ZBTB47: variants seen among roughly 807,000 people sequenced by gnomAD.
The protein encoded by ZBTB47 is zinc finger and BTB domain containing 47, also known as zinc finger and BTB domain-containing protein 47.
Under a neutral mutation model 56.6 loss-of-function variants are expected in ZBTB47, and 24 were observed. The observed-to-expected ratio is 0.42, with a 90% CI of 0.31 to 0.60. The LOEUF is 0.60. Among genes scored for constraint, ZBTB47 ranks in the 20% least tolerant of loss-of-function variants. The pLI, the probability that ZBTB47 is intolerant of heterozygous loss-of-function variation, is 0.14. For missense variants in ZBTB47, 829 were observed against 1,032.6 expected (o/e 0.80, Z 2.70); for synonymous variants, 414 against 418.9 (o/e 0.99, Z 0.14).
chr3:42,655,589 G>A (rs1412440708), intron 1 of ZBTB47, among the ~76,000 whole-genome samples: 1 of 152,224 alleles, frequency 6.6e-6, no homozygotes, highest in African/African-American at 2.4e-5. Context: ...AGGCTGGAGT[G>A]ACCTGGACTG....
rs1413331953 is a variant in ZBTB47 at position 42,666,190 on chromosome 3, G to T, written c.*1592G>T. 2.0e-5 allele frequency among the ~76,000 whole-genome samples: 3 copies of T among 152,252 alleles called. No homozygotes were observed. The highest frequency in any genetic ancestry group is 2.9e-5 in the Non-Finnish European group (2 of 68,052). On this transcript the variant is annotated 3_prime_UTR_variant, in exon 6 of 6. Transcript: ENST00000232974. ...GGCCCAAGGTGCCCGAGTGATCTGAGGATTTATAATCCAAGCCACACCACC... is the reference window on the plus strand; with the variant it reads ...GGCCCAAGGTGCCCGAGTGATCTGATGATTTATAATCCAAGCCACACCACC...
Position 42,664,479 on chromosome 3 carries a change from G to A in ZBTB47, c.2125G>A (p.Ala709Thr), listed in dbSNP as rs1187106891. The change falls in exon 6 of 6, where the codon GCA becomes ACA. Residue 709 changes from alanine (A) to threonine (T), a missense_variant. By Grantham distance (58) the Ala-to-Thr change is moderately conservative (BLOSUM62 0). Around this residue, in one of 6 missense-constraint regions of ZBTB47, gnomAD observed 115 missense variants for 117.2 expected, o/e 0.98. Coordinates refer to ENST00000232974, the MANE Select transcript of ZBTB47 (RefSeq NM_145166.4). ...GLPPTQPQAH[A>T]LPLLPGLPQT... ...GCCCCCAACCCAGCCCCAGGCGCAC[G>A]CACTGCCCCTGCTCCCGGGGCTGCC... is the stretch of plus-strand genomic sequence containing the variant. 4.0e-6 allele frequency: 6 copies of A among 1,506,622 alleles called. No individual in the cohort carries two copies. Among genetic ancestry groups the A allele is most frequent in the Non-Finnish European group, 4.4e-6 (5 of 1,131,944 alleles). The allele number at this position is 1,506,622 out of a possible 1,614,324, so 93.3% of individuals were successfully genotyped here.
At position 42,665,822 on chromosome 3, in the gene ZBTB47, C is replaced by G. The variant is rs369125479; in HGVS notation, c.*1224C>G. ...GACCCAATTGCTTGCCCCCATGAGG[C>G]TAGCACTAATAGGAAACCCTTTTTT... On this transcript the variant is annotated 3_prime_UTR_variant, in exon 6 of 6. Transcript: ENST00000232974. 4 of 152,808 alleles carry G rather than the reference C, an allele frequency of 2.6e-5. No homozygotes were observed. In the East Asian group the frequency reaches 7.7e-4, roughly 29 times the overall value. The allele number at this position is 152,808 out of a possible 1,614,324, so 9.5% of individuals were successfully genotyped here.
At position 42,666,089 on chromosome 3, in the gene ZBTB47, A is replaced by G. The variant is rs1710785450; in HGVS notation, c.*1491A>G. Among the ~76,000 whole-genome samples the G allele has an allele frequency of 6.6e-6, 1 of 152,208 alleles. No homozygotes were observed. The highest frequency in any genetic ancestry group is 1.5e-5 in the Non-Finnish European group (1 of 68,034). On this transcript the variant is annotated 3_prime_UTR_variant, in exon 6 of 6. Transcript: ENST00000232974. ...GAACCCCTCTGACCTTATGAGGCCC[A>G]TGGCACTGGGGCAGGGAGCTGGGGA...
In ZBTB47 at chr3:42,663,766, C is replaced by T; in HGVS notation, c.1738-31C>T. ...ACAAAGGCTGCTCTTCTGCTCTGTG[C>T]CTGGGCCTCACCCCCAAACCCCACC... On this transcript the variant is annotated intron_variant, in intron 4 of 5. Coordinates refer to ENST00000232974, the MANE Select transcript of ZBTB47 (RefSeq NM_145166.4). This position sits in a 1 kb window ranked among gnomAD's most constrained non-coding sequence, Gnocchi z 5.1. 6.2e-7 allele frequency: 1 copy of T among 1,611,598 alleles called. No individual in the cohort carries two copies. Among genetic ancestry groups the T allele is most frequent in the Non-Finnish European group, 8.5e-7 (1 of 1,178,370 alleles).
intron 1 of ZBTB47, among the ~76,000 whole-genome samples, chr3:42,657,169 G>T (rs897571227): frequency 1.3e-5 from 2 of 152,298 alleles, no homozygotes; most frequent in East Asian, 3.9e-4. Context: ...TGGTAGAGCC[G>T]GGGTGACTGA....
rs1577629232 is a variant in ZBTB47 at position 42,663,219 on chromosome 3, G to A, written c.1737+92G>A. The A allele has an allele frequency of 2.1e-6, 2 of 951,978 alleles. No individual in the cohort carries two copies. The highest frequency in any genetic ancestry group is 1.7e-6 in the Non-Finnish European group (1 of 593,008). The allele number at this position is 951,978 out of a possible 1,614,324, so 59.0% of individuals were successfully genotyped here. ...CAGCTGCTGAAAAACAAAGGGCTAG[G>A]GGGTGGAATGTAGTGTCCAGAAAGA... is the stretch of plus-strand genomic sequence containing the variant. On this transcript the variant is annotated intron_variant, in intron 4 of 5. Transcript: ENST00000232974. This position sits in a 1 kb window ranked among gnomAD's most constrained non-coding sequence, Gnocchi z 5.1.
At position 42,667,284 on chromosome 3, in the gene ZBTB47, C is replaced by T. The variant is rs1393952129; in HGVS notation, c.*2686C>T. Among the ~76,000 whole-genome samples the T allele has an allele frequency of 6.6e-6, 1 of 152,182 alleles. No individual in the cohort carries two copies. Among genetic ancestry groups the T allele is most frequent in the Non-Finnish European group, 1.5e-5 (1 of 68,038 alleles). The stretch of plus-strand genomic sequence containing the variant: ...AACTCAGGCCTGGAGTCTGGGTCTG[C>T]CCCCTCCCCGGCTCCTTGGGGCTCT... On this transcript the variant is annotated 3_prime_UTR_variant, in exon 6 of 6. Transcript: ENST00000232974.
Position 42,663,047 on chromosome 3 carries a change from T to C in ZBTB47, c.1657T>C (p.Cys553Arg). Residue 553 changes from cysteine (C) to arginine (R), a missense_variant, in exon 4 of 6, where the codon TGC becomes CGC. Transcript: ENST00000232974. This position sits in a 1 kb window ranked among gnomAD's most constrained non-coding sequence, Gnocchi z 5.1. ...GGACATGCCCTTCACCTGCGAGACC[T>C]GCGGAAAGTCCTTCAAGCGCAGCAT... Reference protein sequence around the residue: ...TKDMPFTCETCGKSFKRSMSL... With the variant: ...TKDMPFTCETRGKSFKRSMSL... 1 of 1,613,822 alleles carries C rather than the reference T, an allele frequency of 6.2e-7. No homozygotes were observed. Among genetic ancestry groups the C allele is most frequent in the Non-Finnish European group, 8.5e-7 (1 of 1,179,738 alleles).
In ZBTB47 at chr3:42,654,757, G is replaced by GCA; in HGVS notation, c.-82+878_-82+879dup. On this transcript the variant is annotated intron_variant, in intron 1 of 5. Coordinates refer to ENST00000232974, the MANE Select transcript of ZBTB47 (RefSeq NM_145166.4). The surrounding 1 kb of genome is among the most constrained non-coding windows in gnomAD (Gnocchi z 5.0). ...CCACCTGCCAGCTCTGACCTCCCAG[G>GCA]CACACGGCCCGCGGGCCCGGGTGGA... The GCA allele has an allele frequency of 1.0e-6, 1 of 981,538 alleles. No homozygotes were observed. The highest frequency in any genetic ancestry group is 1.2e-6 in the Non-Finnish European group (1 of 826,602). The allele number at this position is 981,538 out of a possible 1,614,324, so 60.8% of individuals were successfully genotyped here. A position where few individuals can be genotyped will look rare whatever the true frequency, so the allele number is the denominator to read the frequency against.
chr3:42,666,657 A>T lies in ZBTB47; in HGVS notation c.*2059A>T, dbSNP rs1710793128. On this transcript the variant is annotated 3_prime_UTR_variant, in exon 6 of 6. Coordinates refer to ENST00000232974, the MANE Select transcript of ZBTB47 (RefSeq NM_145166.4). The stretch of plus-strand genomic sequence containing the variant: ...GGTGGTGTCATCACCTGCTGGCCCC[A>T]CTACAGCCTGAGTAGGCCTGAGTGG... Among the ~76,000 whole-genome samples the T allele has an allele frequency of 6.6e-6, 1 of 152,158 alleles. No homozygotes were observed. The highest frequency in any genetic ancestry group is 1.5e-5 in the Non-Finnish European group (1 of 68,020).
intron 1 of ZBTB47, among the ~76,000 whole-genome samples, chr3:42,657,691 G>A (rs1382945495): frequency 6.6e-6 from 1 of 152,216 alleles, no homozygotes; most frequent in Non-Finnish European, 1.5e-5. Context: ...CTTGGATTCT[G>A]TAGCCAGAGA....
At chr3:42,655,640 C>G (rs970635414) in intron 1 of ZBTB47, among the ~76,000 whole-genome samples, 1 of 152,224 alleles carries the variant, frequency 6.6e-6, no homozygotes, top group Non-Finnish European at 1.5e-5. Context: ...GCATTGCTTC[C>G]GGGAACCAGC....
chr3:42,662,438 G>C (rs1041847990), intron 3 of ZBTB47, among the ~76,000 whole-genome samples: 3 of 152,234 alleles, frequency 2.0e-5, no homozygotes, highest in African/African-American at 7.2e-5. Context: ...TGAGCCTTCT[G>C]TCTCCAGTGG....
rs1431287868 is a variant in ZBTB47, at chr3:42,663,480, G to T, written c.1738-317G>T. ...CAGAGCTGCAGGTGGGGAGGTGGGG[G>T]CAGGGGCTGGGCGTCTGATCAGGAG... On this transcript the variant is annotated intron_variant, in intron 4 of 5. Coordinates refer to ENST00000232974, the MANE Select transcript of ZBTB47 (RefSeq NM_145166.4). This position sits in a 1 kb window ranked among gnomAD's most constrained non-coding sequence, Gnocchi z 5.1. 1.3e-5 allele frequency among the ~76,000 whole-genome samples: 2 copies of T among 152,140 alleles called. No individual in the cohort carries two copies. The highest frequency in any genetic ancestry group is 1.9e-4 in the East Asian group (1 of 5,182).
chr3:42,664,748 A>C lies in ZBTB47; in HGVS notation c.*150A>C. The C allele has an allele frequency of 1.1e-6, 1 of 936,262 alleles. No homozygotes were observed. Among genetic ancestry groups the C allele is most frequent in the Non-Finnish European group, 1.4e-6 (1 of 705,958 alleles). 58.0% of individuals were successfully genotyped at this position (936,262 alleles called of 1,614,324 possible). The stretch of plus-strand genomic sequence containing the variant: ...TGGATGTACCCTGCCTGAGGCCCCG[A>C]CGAGGAGGGGTATGCAGGCTGGCAG... On this transcript the variant is annotated 3_prime_UTR_variant, in exon 6 of 6. Transcript: ENST00000232974.
At position 42,656,737 on chromosome 3, in the gene ZBTB47, C is replaced by T. The variant is rs896326648; in HGVS notation, c.-81-1538C>T. Among the ~76,000 whole-genome samples, 11 of 152,018 alleles carry T rather than the reference C, an allele frequency of 7.2e-5. No homozygotes were observed. Among genetic ancestry groups the T allele is most frequent in the Admixed American group, 2.0e-4 (3 of 15,270 alleles). On this transcript the variant is annotated intron_variant, in intron 1 of 5. Transcript: ENST00000232974. This position sits in a 1 kb window ranked among gnomAD's most constrained non-coding sequence, Gnocchi z 5.8. Reference sequence around the variant, plus strand: ...TCAGGGAGGCTCCTGCTGAGGCCCACGGTAGGTTTCTCATTCAGGTGACTG... The same window carrying T: ...TCAGGGAGGCTCCTGCTGAGGCCCATGGTAGGTTTCTCATTCAGGTGACTG...
intron 1 of ZBTB47, among the ~76,000 whole-genome samples, chr3:42,655,433 G>C (rs1317297410): frequency 6.6e-6 from 1 of 152,220 alleles, no homozygotes; most frequent in Non-Finnish European, 1.5e-5. Context: ...CCCCTCAGGT[G>C]TAGAAGGCTC....
At position 42,663,681 on chromosome 3, in the gene ZBTB47, C is replaced by T; in HGVS notation, c.1738-116C>T. ...TGCCCTCATGTCCCCATCTCCTTGC[C>T]CAGGAGCCCCTGAGTGTGTCCCTCC... On this transcript the variant is annotated intron_variant, in intron 4 of 5. Coordinates refer to ENST00000232974, the MANE Select transcript of ZBTB47 (RefSeq NM_145166.4). This position sits in a 1 kb window ranked among gnomAD's most constrained non-coding sequence, Gnocchi z 5.1. 1.5e-6 allele frequency: 2 copies of T among 1,367,714 alleles called. No individual in the cohort carries two copies. Among genetic ancestry groups the T allele is most frequent in the South Asian group, 1.4e-5 (1 of 70,356 alleles). 84.7% of individuals were successfully genotyped at this position (1,367,714 alleles called of 1,614,324 possible).
Sources: gnomAD v4.1 joint callset for allele counts (sites outside exome capture counted in the v4.1 genomes callset) on GRCh38, gnomAD v4.1.1 for gene constraint, gnomAD v4.1.1 regional missense constraint, Gnocchi (gnomAD v3.1) non-coding constraint, MANE v1.5 for transcripts, NCBI Gene and HGNC (gene_info 2026-07-23, HGNC 2026-07-21) for gene names.